The following SND1 variants were observed in gnomAD, a reference collection of about 807,000 sequenced individuals.
SND1 encodes the protein staphylococcal nuclease domain-containing protein 1.
Under a neutral mutation model 121.7 loss-of-function variants are expected in SND1, and 38 were observed. The ratio of observed to expected loss-of-function variants is 0.31; its 90% confidence interval spans 0.24 to 0.41. SND1 has a LOEUF of 0.41. Ranked by LOEUF, SND1 falls within the 10% of genes least tolerant of loss-of-function variation. The probability of loss-of-function intolerance (pLI) is 1.00; values close to 1 mark genes in which losing one functional copy is unlikely to be tolerated. For synonymous variants in SND1, 401 were observed against 447.4 expected (o/e 0.90, Z 1.31); for missense variants, 868 against 1,184.6 (o/e 0.73, Z 3.92).
rs11974695 is a variant in SND1 at position 128,010,406 on chromosome 7, G to A, written c.1779+19350G>A. 4.1e-3 allele frequency among the ~76,000 whole-genome samples: 624 copies of A among 152,336 alleles called. 7 individuals are homozygous for A. Among genetic ancestry groups the A allele is most frequent in the African/African-American group, 0.014 (599 of 41,572 alleles). On this transcript the variant is annotated intron_variant, in intron 16 of 23. Coordinates refer to ENST00000354725, the MANE Select transcript of SND1 (RefSeq NM_014390.4). ...GGACTAAATGACCTGTGGGTACTAA[G>A]AGGATGAAGAAAAGAGAGCCAGAGA...
At chr7:127,921,462 T>G (rs1800704030) in intron 14 of SND1, among the ~76,000 whole-genome samples, 1 of 152,224 alleles carries the variant, frequency 6.6e-6, no homozygotes, top group South Asian at 2.1e-4. Flanking sequence ...GAACTTGATA[T>G]TCTCTCCAAA....
In SND1 at chr7:128,052,320, T is replaced by C. The variant is rs1793060279; in HGVS notation, c.1780-22182T>C. ...CCCCAGCTTTAGCCTAATGCCCATC[T>C]CAGCTGTCTGGACAAGCTCCCATTC... On this transcript the variant is annotated intron_variant, in intron 16 of 23. Coordinates refer to ENST00000354725, the MANE Select transcript of SND1 (RefSeq NM_014390.4). The surrounding 1 kb of genome is among the most constrained non-coding windows in gnomAD (Gnocchi z 4.6). Among the ~76,000 whole-genome samples the C allele has an allele frequency of 6.6e-6, 1 of 152,162 alleles. No homozygotes were observed. The highest frequency in any genetic ancestry group is 2.4e-5 in the African/African-American group (1 of 41,426).
chr7:127,781,636 A>G (rs1797725029), intron 10 of SND1, among the ~76,000 whole-genome samples: 1 of 151,860 alleles, frequency 6.6e-6, no homozygotes, highest in Non-Finnish European at 1.5e-5. Flanking sequence ...ACCTTGTTTC[A>G]TGGTTTGATT....
chr7:128,017,053 A>T (rs569998281), intron 16 of SND1, among the ~76,000 whole-genome samples: 1 of 152,342 alleles, frequency 6.6e-6, no homozygotes, highest in South Asian at 2.1e-4. Context: ...CAGCAACAAA[A>T]TGTGGCAGAT....
chr7:128,042,804 C>T (rs909129648), intron 16 of SND1, among the ~76,000 whole-genome samples: 1 of 152,244 alleles, frequency 6.6e-6, no homozygotes, highest in Non-Finnish European at 1.5e-5. Context: ...CCTGTCAGCA[C>T]CACCACCAAC....
intron 12 of SND1, among the ~76,000 whole-genome samples, chr7:127,883,134 A>G (rs755215813): frequency 6.6e-6 from 1 of 152,172 alleles, no homozygotes; most frequent in South Asian, 2.1e-4. Flanking sequence ...AGTCTTGCCC[A>G]AAAGATAGAC....
intron 10 of SND1, among the ~76,000 whole-genome samples, chr7:127,794,122 CT>C (rs1228428573): frequency 1.3e-5 from 2 of 152,190 alleles, no homozygotes; most frequent in African/African-American, 4.8e-5. Context: ...AGAAAGTCAT[CT>C]TCCTTCGTTA....
rs373022509 is a variant in SND1, at chr7:127,864,044, G to A, written c.1343+19620G>A. ...CTCTGGTGTTGAATACACCCATACC[G>A]AGTGCAGCTTGAGCAGAACTTTTCT... On this transcript the variant is annotated intron_variant, in intron 12 of 23. Transcript: ENST00000354725. Among the ~76,000 whole-genome samples the A allele has an allele frequency of 9.9e-5, 15 of 152,204 alleles. 1 individual carries two copies. The South Asian group carries it at 2.9e-3, about 30-fold the overall frequency.
intron 10 of SND1, among the ~76,000 whole-genome samples, chr7:127,760,994 TA>T (rs1421276258): frequency 1.3e-5 from 2 of 152,224 alleles, no homozygotes; most frequent in Non-Finnish European, 2.9e-5. Flanking sequence ...TTAAACCGTA[TA>T]AAAAGATTTC....
chr7:128,021,278 G>C (rs949718498), intron 16 of SND1, among the ~76,000 whole-genome samples: 2 of 152,220 alleles, frequency 1.3e-5, no homozygotes, highest in African/African-American at 4.8e-5. Context: ...GCAGAAACAG[G>C]CTGTTAGTAT....
intron 14 of SND1, among the ~76,000 whole-genome samples, chr7:127,912,215 C>G (rs781690544): frequency 2.8e-4 from 42 of 152,108 alleles, no homozygotes; most frequent in Non-Finnish European, 5.0e-4. Flanking sequence ...CAGGGCCATC[C>G]CTCTCTTAAA....
chr7:127,953,806 T>A (rs80219792), intron 15 of SND1, among the ~76,000 whole-genome samples: 2,586 of 152,316 alleles, frequency 0.017, 74 homozygotes, highest in African/African-American at 0.058. Context: ...ATTTGGCAAT[T>A]ATCACTTCCT....
intron 16 of SND1, among the ~76,000 whole-genome samples, chr7:128,046,388 CAG>C (rs1268628146): frequency 4.4e-5 from 5 of 113,082 alleles, no homozygotes; most frequent in African/African-American, 7.1e-5. Context: ...TTTTTTGAGA[CAG>C]AGTCTCACTC....
chr7:127,912,258 A>AT (rs1800474395), intron 14 of SND1, among the ~76,000 whole-genome samples: 1 of 152,098 alleles, frequency 6.6e-6, no homozygotes, highest in African/African-American at 2.4e-5. Context: ...TTACATGGGA[A>AT]TTTTTTTCAA....
intron 11 of SND1, among the ~76,000 whole-genome samples, chr7:127,830,286 G>A (rs2116622397): frequency 6.6e-6 from 1 of 152,240 alleles, no homozygotes. Flanking sequence ...AGGGGGCTGA[G>A]ACAGGAGAAT....
At chr7:128,074,394 C>A in intron 16 of SND1, 108 bp from the exon 17 acceptor site, 2 of 1,181,424 alleles carry the variant, frequency 1.7e-6, no homozygotes, top group Non-Finnish European at 2.3e-6. Context: ...GCAGCGGCTG[C>A]CAAGGCCTGT....
intron 17 of SND1, among the ~76,000 whole-genome samples, chr7:128,076,492 C>T (rs1793508493): frequency 6.6e-6 from 1 of 152,196 alleles, no homozygotes; most frequent in Non-Finnish European, 1.5e-5. Context: ...TGGCTTTCTT[C>T]CTCCTGGAGG....
intron 3 of SND1, among the ~76,000 whole-genome samples, chr7:127,696,131 G>A (rs925252354): frequency 1.3e-4 from 20 of 152,294 alleles, no homozygotes; most frequent in East Asian, 1.9e-4. Context: ...GATAGCTCAT[G>A]TAACGGAGTT....
rs1022378418 is a variant in SND1, at chr7:128,029,267, T to C, written c.1779+38211T>C. 6.8e-6 allele frequency: 11 copies of C among 1,614,044 alleles called. No individual in the cohort carries two copies. The African/African-American group carries it at 1.2e-4, about 18-fold the overall frequency. ...CAGGCGAGATCTCCGTGGTCTCCACTGTTACTGTGGTGAAGAAGCTGTAGT... is the reference window on the plus strand; with the variant it reads ...CAGGCGAGATCTCCGTGGTCTCCACCGTTACTGTGGTGAAGAAGCTGTAGT... On this transcript the variant is annotated intron_variant, in intron 16 of 23. Transcript: ENST00000354725. The surrounding 1 kb of genome is among the most constrained non-coding windows in gnomAD (Gnocchi z 4.2).
Sources: allele counts gnomAD v4.1 joint callset (sites outside exome capture counted in the v4.1 genomes callset), GRCh38; gene constraint gnomAD v4.1.1; non-coding constraint Gnocchi (gnomAD v3.1); transcripts MANE v1.5; gene names NCBI Gene and HGNC (gene_info 2026-07-23, HGNC 2026-07-21).